The following FAM228B variants were observed in gnomAD, a reference collection of about 807,000 sequenced individuals.
FAM228B encodes family with sequence similarity 228 member B, also known as protein FAM228B.
In FAM228B, 38 loss-of-function variants were observed where a neutral mutation model predicts 42.6. That is an observed-to-expected ratio of 0.89 (90% CI 0.69 to 1.17). FAM228B has a LOEUF of 1.17. Among genes scored for constraint, FAM228B ranks in the 50% most tolerant of loss-of-function variants. FAM228B has a pLI of 0.00. For synonymous variants in FAM228B, 109 were observed against 122.3 expected, an observed-to-expected ratio of 0.89 and a Z score of 0.72; for missense variants, 344 against 367.3, an observed-to-expected ratio of 0.94 and a Z score of 0.52.
chr2:24,093,586 A>G (rs888736423), intron 2 of FAM228B, among the ~76,000 whole-genome samples: 1 of 150,900 alleles, frequency 6.6e-6, no homozygotes, highest in African/African-American at 2.4e-5. Flanking sequence ...TGTCTTTGCT[A>G]TTGTAAACAG....
intron 7 of FAM228B, among the ~76,000 whole-genome samples, chr2:24,154,450 G>A (rs376053776): frequency 5.9e-5 from 9 of 152,082 alleles, no homozygotes; most frequent in African/African-American, 1.7e-4. Flanking sequence ...AGAATCCTTC[G>A]TATATTTTGA....
At chr2:24,132,730 A>G (rs865796807) in intron 2 of FAM228B, among the ~76,000 whole-genome samples, 2 of 151,930 alleles carry the variant, frequency 1.3e-5, no homozygotes, top group Non-Finnish European at 2.9e-5. Flanking sequence ...TACATTTTGG[A>G]CATTATGAAT....
chr2:24,119,834 T>C (rs1666046288), upstream of FAM228B: 6 of 598,254 alleles, frequency 1.0e-5, 1 homozygote, highest in South Asian at 1.4e-4. Flanking sequence ...TCCATATGTT[T>C]ATATATCTGT....
At chr2:24,143,400 T>C (rs147791332) in intron 5 of FAM228B, among the ~76,000 whole-genome samples, 338 of 152,288 alleles carry the variant, frequency 2.2e-3, no homozygotes, top group African/African-American at 7.0e-3. Flanking sequence ...TTCATCGTGT[T>C]AGCCAGGATG....
chr2:24,159,776 G>T (rs1157324942), intron 7 of FAM228B, among the ~76,000 whole-genome samples: 4 of 152,124 alleles, frequency 2.6e-5, no homozygotes, highest in African/African-American at 9.7e-5. Context: ...AAGATAATTT[G>T]CCAAGCACAC....
rs1666910845 is a variant in FAM228B, at chr2:24,147,026, C to T, written c.626C>T (p.Pro209Leu). The change falls in exon 7 of 11, where the codon CCA becomes CTA. Residue 209 changes from proline to leucine, a missense_variant. By Grantham distance (98) the Pro-to-Leu change is moderately conservative. Transcript: ENST00000615575. ...TCTAATTCAAGGCACTTTATAACTCCAAACGAGTGGCTGAAACTGCCTACA... is the reference window on the plus strand; with the variant it reads ...TCTAATTCAAGGCACTTTATAACTCTAAACGAGTGGCTGAAACTGCCTACA... The part of the protein sequence containing the change: ...QISNSRHFIT[P>L]NEWLKLPTRY... 6.4e-7 allele frequency: 1 copy of T among 1,551,212 alleles called. No individual in the cohort carries two copies. The highest frequency in any genetic ancestry group is 1.4e-5 in the African/African-American group (1 of 73,012).
chr2:24,077,590 G>T lies in FAM228B; in HGVS notation c.-290+621G>T. 4 of 1,611,976 alleles carry T rather than the reference G, an allele frequency of 2.5e-6. No individual in the cohort carries two copies. Among genetic ancestry groups the T allele is most frequent in the Non-Finnish European group, 3.4e-6 (4 of 1,178,844 alleles). ...TGCCCCATCCTCCTTCACTGGGGCA[G>T]TTCCAGGACGATCTTGCCTATGTTC... On this transcript the variant is annotated intron_variant, in intron 1 of 10. Coordinates refer to the FAM228B transcript ENST00000613899. This position sits in a 1 kb window ranked among gnomAD's most constrained non-coding sequence, Gnocchi z 5.5.
At position 24,081,897 on chromosome 2, in the gene FAM228B, G is replaced by A. The variant is rs548261464; in HGVS notation, c.-210+942G>A. On this transcript the variant is annotated intron_variant, in intron 2 of 10. Transcript: ENST00000613899. ...TTTTTAGTAGAGATGAAGTTTCACC[G>A]TGTTAGCCAGGATGGTCTCGATCTC... is the stretch of plus-strand genomic sequence containing the variant. Among the ~76,000 whole-genome samples the A allele has an allele frequency of 2.4e-3, 362 of 151,898 alleles. 2 individuals carry two copies. Among genetic ancestry groups the A allele is most frequent in the African/African-American group, 8.0e-3 (330 of 41,414 alleles).
chr2:24,122,837 C>G (rs3795953), upstream of FAM228B: 75,054 of 235,838 alleles, frequency 0.32, 12,501 homozygotes, highest in South Asian at 0.42. Context: ...GGATTATCTG[C>G]GATTTAAAAA....
At chr2:24,124,136 A>G (rs1331549250) in intron 1 of FAM228B, 194 bp from the exon 2 acceptor site, 3 of 405,522 alleles carry the variant, frequency 7.4e-6, no homozygotes, top group Non-Finnish European at 1.3e-5. Context: ...TTCAAAGAGC[A>G]TCTCGCCTGC....
At chr2:24,131,210 A>G (rs905745722) in intron 2 of FAM228B, among the ~76,000 whole-genome samples, 2 of 152,222 alleles carry the variant, frequency 1.3e-5, no homozygotes, top group African/African-American at 4.8e-5. Flanking sequence ...TACCAGTACC[A>G]TGCTGTTGTG....
At chr2:24,128,236 C>T (rs1666363493) in intron 2 of FAM228B, among the ~76,000 whole-genome samples, 1 of 151,940 alleles carries the variant, frequency 6.6e-6, no homozygotes, top group Admixed American at 6.6e-5. Context: ...TCTTTTGTTT[C>T]GTTTTTTGTT....
chr2:24,107,899 T>C (rs1249500914), intron 3 of FAM228B, among the ~76,000 whole-genome samples: 3 of 151,982 alleles, frequency 2.0e-5, no homozygotes, highest in Non-Finnish European at 2.9e-5. Context: ...CCCAAAGCTA[T>C]TGGAAGACAA....
chr2:24,117,877 C>T (rs1304453928), intron 3 of FAM228B, among the ~76,000 whole-genome samples: 7 of 152,268 alleles, frequency 4.6e-5, no homozygotes, highest in Middle Eastern at 3.4e-3. Context: ...GGATATCAGC[C>T]TTGTCCATCC....
chr2:24,122,161 A>T (rs1666137699), upstream of FAM228B, among the ~76,000 whole-genome samples: 1 of 152,094 alleles, frequency 6.6e-6, no homozygotes, highest in African/African-American at 2.4e-5. Context: ...GTAAAACACC[A>T]TCTCTACTAA....
chr2:24,155,522 TATATATATA>T (rs1456303984), intron 7 of FAM228B, among the ~76,000 whole-genome samples: 1 of 24,562 alleles, frequency 4.1e-5, no homozygotes, highest in African/African-American at 1.3e-4. Context: ...TATATATATA[TATATATATA>T]TTTTTTTTTT....
chr2:24,119,011 C>T (rs1007114615), upstream of FAM228B, among the ~76,000 whole-genome samples: 2 of 152,198 alleles, frequency 1.3e-5, no homozygotes, highest in Non-Finnish European at 2.9e-5. Context: ...CAAGCTAGTT[C>T]TCTATGAGAT....
chr2:24,118,461 C>T (rs912193175), intron 3 of FAM228B, among the ~76,000 whole-genome samples: 10 of 152,180 alleles, frequency 6.6e-5, no homozygotes, highest in Admixed American at 4.6e-4. Context: ...CAAACATGTA[C>T]TAATTGCCTA....
At chr2:24,103,483 G>A (rs1269500100) in intron 3 of FAM228B, among the ~76,000 whole-genome samples, 3 of 152,318 alleles carry the variant, frequency 2.0e-5, no homozygotes, top group African/African-American at 7.2e-5. Flanking sequence ...CACAGGTGCT[G>A]TATAGCTACC....
Sources: gnomAD v4.1 joint callset for allele counts (sites outside exome capture counted in the v4.1 genomes callset) on GRCh38, gnomAD v4.1.1 for gene constraint, Gnocchi (gnomAD v3.1) non-coding constraint, MANE v1.5 for transcripts, NCBI Gene and HGNC (gene_info 2026-07-23, HGNC 2026-07-21) for gene names.